The following SLC38A4 variants were observed in gnomAD, a reference collection of about 807,000 sequenced individuals.
The protein encoded by SLC38A4 is solute carrier family 38 member 4.
Under a neutral mutation model 63.1 loss-of-function variants are expected in SLC38A4, and 20 were observed. The observed-to-expected ratio is 0.32, with a 90% CI of 0.22 to 0.46. The LOEUF (loss-of-function observed/expected upper bound fraction) is 0.46. Among genes scored for constraint, SLC38A4 ranks in the 20% least tolerant of loss-of-function variants. The probability of loss-of-function intolerance (pLI) is 1.00; values close to 1 mark genes in which losing one functional copy is unlikely to be tolerated. For synonymous variants in SLC38A4, 230 were observed against 225.5 expected, an observed-to-expected ratio of 1.02 and a Z score of -0.18; for missense variants, 526 against 663.6, an observed-to-expected ratio of 0.79 and a Z score of 2.28.
intron 2 of SLC38A4, among the ~76,000 whole-genome samples, chr12:46,800,265 G>A (rs561711465): frequency 2.0e-5 from 3 of 151,996 alleles, no homozygotes; most frequent in East Asian, 1.9e-4. Context: ...TGACCACTAT[G>A]TTATTCCAAA....
chr12:46,779,364 C>CT (rs750268606), intron 10 of SLC38A4, among the ~76,000 whole-genome samples: 1 of 151,844 alleles, frequency 6.6e-6, no homozygotes, highest in Non-Finnish European at 1.5e-5. Context: ...TGAAGTTTTC[C>CT]TTTTTTCCCC....
In SLC38A4 at chr12:46,777,025, A is replaced by C. The variant is rs111879702; in HGVS notation, c.1074-21T>G. The C allele has an allele frequency of 4.5e-4, 716 of 1,580,754 alleles. 2 individuals carry two copies. In the African/African-American group the frequency reaches 8.8e-3, roughly 19 times the overall value. Reference sequence around the variant, plus strand: ...ACCGACTGGAAAAAGAAAGAACACCAAGCTTTGTTTTTTAAACTTACAAAA... The same window carrying C: ...ACCGACTGGAAAAAGAAAGAACACCCAGCTTTGTTTTTTAAACTTACAAAA... On this transcript the variant is annotated intron_variant, in intron 12 of 16. Coordinates refer to ENST00000266579, the MANE Select transcript of SLC38A4 (RefSeq NM_018018.5).
At chr12:46,778,888 G>T in intron 10 of SLC38A4, 112 bp from the exon 11 acceptor site, 1 of 945,654 alleles carries the variant, frequency 1.1e-6, no homozygotes, top group Non-Finnish European at 1.6e-6. Flanking sequence ...CTCAGTTAGG[G>T]ATTCCTTTTA....
chr12:46,770,103 C>T (rs1196146191), intron 14 of SLC38A4, among the ~76,000 whole-genome samples: 1 of 151,884 alleles, frequency 6.6e-6, no homozygotes, highest in African/African-American at 2.4e-5. Flanking sequence ...AAAATAATCT[C>T]GGTCAGAAAG....
upstream of SLC38A4, among the ~76,000 whole-genome samples, chr12:46,828,923 C>CA (rs1434598622): frequency 3.3e-5 from 5 of 152,128 alleles, no homozygotes; most frequent in Admixed American, 3.3e-4. Context: ...TCTCTCACAC[C>CA]ATACTGTGTT....
At chr12:46,776,785 A>G in intron 13 of SLC38A4, 119 bp downstream of exon 13, 1 of 776,020 alleles carries the variant, frequency 1.3e-6, no homozygotes, top group East Asian at 2.6e-5. Context: ...TATTAATTGA[A>G]TATGTGTCAT....
intron 1 of SLC38A4, among the ~76,000 whole-genome samples, chr12:46,815,833 G>A (rs117729325): frequency 0.015 from 2,315 of 151,918 alleles, 25 homozygotes; most frequent in Middle Eastern, 0.051. Context: ...ATATTAACAG[G>A]TCCCCAGGAG....
At chr12:46,781,621 A>T (rs1172049264) in intron 7 of SLC38A4, among the ~76,000 whole-genome samples, 1 of 152,080 alleles carries the variant, frequency 6.6e-6, no homozygotes, top group Admixed American at 6.6e-5. Flanking sequence ...GATTTCTCTT[A>T]TGCCAAATAT....
At chr12:46,779,018 C>A (rs1307871036) in intron 10 of SLC38A4, among the ~76,000 whole-genome samples, 3 of 151,972 alleles carry the variant, frequency 2.0e-5, no homozygotes, top group Non-Finnish European at 4.4e-5. Flanking sequence ...CCTTCCCACC[C>A]TCTTTCATGC....
Position 46,778,671 on chromosome 12 carries a change from G to A in SLC38A4, c.823C>T (p.Pro275Ser). Residue 275 changes from proline (P) to serine (S), a missense_variant, in exon 11 of 17, where the codon CCC becomes TCC. By Grantham distance (74) the Pro-to-Ser change is moderately conservative. Transcript: ENST00000266579. ...NTLPMHVVML[P>S]NNSESSDVNF... Reference sequence around the variant, plus strand: ...ACATCAGAACTCTCAGAGTTGTTGGGTAACATTACCACATGCATTGGAAGC... The same window carrying A: ...ACATCAGAACTCTCAGAGTTGTTGGATAACATTACCACATGCATTGGAAGC... 1.2e-6 allele frequency: 2 copies of A among 1,612,954 alleles called. No individual in the cohort carries two copies. Among genetic ancestry groups the A allele is most frequent in the Non-Finnish European group, 1.7e-6 (2 of 1,179,400 alleles).
intron 14 of SLC38A4, among the ~76,000 whole-genome samples, chr12:46,772,133 TAAAAA>T (rs372169654): frequency 1.5e-5 from 2 of 131,500 alleles, no homozygotes; most frequent in Non-Finnish European, 3.4e-5. Flanking sequence ...TTCTAACTCT[TAAAAA>T]AAAAAAAAAA....
chr12:46,783,051 T>C (rs549755), intron 7 of SLC38A4, among the ~76,000 whole-genome samples: 103 of 140,992 alleles, frequency 7.3e-4, no homozygotes, highest in East Asian at 1.5e-3. Flanking sequence ...TGTGTGTGTG[T>C]GTGTGTGTTA....
At chr12:46,797,666 C>T (rs1178703059) in intron 2 of SLC38A4, among the ~76,000 whole-genome samples, 2 of 152,090 alleles carry the variant, frequency 1.3e-5, no homozygotes, top group East Asian at 3.9e-4. Flanking sequence ...TATTTATCTC[C>T]AGTTGGTTCT....
intron 1 of SLC38A4, among the ~76,000 whole-genome samples, chr12:46,809,369 A>T (rs1451008244): frequency 1.3e-5 from 2 of 152,126 alleles, no homozygotes; most frequent in Non-Finnish European, 2.9e-5. Flanking sequence ...GAGAGAAATA[A>T]TAGTGTCATC....
In SLC38A4 at chr12:46,777,003, G is replaced by A. The variant is rs1218992058; in HGVS notation, c.1075C>T (p.Arg359Trp). 11 of 1,608,520 alleles carry A rather than the reference G, an allele frequency of 6.8e-6. No homozygotes were observed. The highest frequency in any genetic ancestry group is 2.2e-5 in the East Asian group (1 of 44,740). ...VLPIYSELKD[R>W]SRRKMQTVSN... ...ACCGTTTGCATTTTTCTCCGGGACCGACTGGAAAAAGAAAGAACACCAAGC... is the reference window on the plus strand; with the variant it reads ...ACCGTTTGCATTTTTCTCCGGGACCAACTGGAAAAAGAAAGAACACCAAGC... The change falls in exon 13 of 17, where the codon CGG (arginine) becomes TGG (tryptophan). Residue 359 changes from arginine to tryptophan, a missense_variant and splice_region_variant. Coordinates refer to ENST00000266579, the MANE Select transcript of SLC38A4 (RefSeq NM_018018.5).
chr12:46,810,623 A>G (rs1234596730), intron 1 of SLC38A4, among the ~76,000 whole-genome samples: 1 of 151,820 alleles, frequency 6.6e-6, no homozygotes, highest in East Asian at 1.9e-4. Flanking sequence ...ATGTATATCA[A>G]AATGTTAATC....
chr12:46,793,276 G>A (rs1278369172), intron 2 of SLC38A4, 93 bp from the exon 3 acceptor site: 4 of 357,598 alleles, frequency 1.1e-5, no homozygotes, highest in Middle Eastern at 6.1e-4. Context: ...CTCTGTAAAA[G>A]GGAGGAAGGA....
At chr12:46,802,840 A>G (rs556719142) in intron 2 of SLC38A4, among the ~76,000 whole-genome samples, 16 of 152,114 alleles carry the variant, frequency 1.1e-4, no homozygotes, top group African/African-American at 3.6e-4. Flanking sequence ...ATGCTCTGTA[A>G]GATACTCAAA....
intron 14 of SLC38A4, 136 bp from the exon 15 acceptor site, chr12:46,769,564 T>A: frequency 1.1e-6 from 1 of 926,660 alleles, no homozygotes; most frequent in South Asian, 1.8e-5. Context: ...CTTTTTTCAA[T>A]TTTTTTATTA....
Sources: allele counts gnomAD v4.1 joint callset (sites outside exome capture counted in the v4.1 genomes callset), GRCh38; gene constraint gnomAD v4.1.1; transcripts MANE v1.5; gene names NCBI Gene and HGNC (gene_info 2026-07-23, HGNC 2026-07-21).